Variants in DDB2 observed in about 807,000 individuals in gnomAD.
The protein encoded by DDB2 is DNA damage-binding protein 2.
In DDB2, 27 loss-of-function variants were observed where a neutral mutation model predicts 50.5. That is an observed-to-expected ratio of 0.53 (90% CI 0.39 to 0.74). The LOEUF is 0.74. Among genes scored for constraint, DDB2 ranks in the 30% least tolerant of loss-of-function variants. The pLI, the probability that DDB2 is intolerant of heterozygous loss-of-function variation, is 0.00. For missense variants in DDB2, 424 were observed against 545.6 expected (o/e 0.78, Z 2.22); for synonymous variants, 176 against 205.5 (o/e 0.86, Z 1.23).
intron 4 of DDB2, among the ~76,000 whole-genome samples, chr11:47,233,845 G>T (rs182000569): frequency 1.3e-5 from 2 of 152,180 alleles, no homozygotes; most frequent in African/African-American, 4.8e-5. Context: ...GGGCTGTCCC[G>T]CAGGGATGAG....
intron 7 of DDB2, among the ~76,000 whole-genome samples, chr11:47,237,434 CTT>C (rs564311013): frequency 1.1e-4 from 16 of 139,148 alleles, no homozygotes; most frequent in African/African-American, 7.9e-5. Context: ...GCAAATACTA[CTT>C]TTTTTTTTTT....
rs1163215863 is a variant in DDB2, at chr11:47,219,921, G to A, written c.456+2872G>A. Among the ~76,000 whole-genome samples the A allele has an allele frequency of 3.9e-5, 6 of 152,264 alleles. No homozygotes were observed. In the South Asian group the frequency reaches 1.0e-3, roughly 26 times the overall value. The stretch of plus-strand genomic sequence containing the variant: ...TCCTGCCTCAGCCTCCGAAGTAGCT[G>A]GGACTACTGGTGCCCGCCACCACAC... On this transcript the variant is annotated intron_variant, in intron 3 of 9. Transcript: ENST00000256996.
intron 3 of DDB2, 38 bp downstream of exon 3, chr11:47,217,087 G>GT: frequency 6.3e-7 from 1 of 1,589,282 alleles, no homozygotes; most frequent in Non-Finnish European, 8.6e-7. Flanking sequence ...CTAAAGAAGT[G>GT]TTTGTTGGCT....
chr11:47,227,956 A>G (rs918854127), intron 3 of DDB2, among the ~76,000 whole-genome samples: 14 of 151,770 alleles, frequency 9.2e-5, no homozygotes, highest in Admixed American at 2.0e-4. Context: ...CCTGGCCAAC[A>G]TGGTGAAACC....
chr11:47,230,751 G>A (rs1327740220), intron 3 of DDB2, among the ~76,000 whole-genome samples: 1 of 152,190 alleles, frequency 6.6e-6, no homozygotes, highest in Non-Finnish European at 1.5e-5. Flanking sequence ...GATAGCTGCA[G>A]CGTAAAGAAG....
chr11:47,224,935 A>G (rs1953535611), intron 3 of DDB2, among the ~76,000 whole-genome samples: 1 of 151,008 alleles, frequency 6.6e-6, no homozygotes, highest in Non-Finnish European at 1.5e-5. Context: ...CATATTTATT[A>G]TTTCCTCTTC....
intron 3 of DDB2, among the ~76,000 whole-genome samples, chr11:47,228,112 C>T (rs1953586083): frequency 6.8e-6 from 1 of 146,626 alleles, no homozygotes; most frequent in Non-Finnish European, 1.5e-5. Flanking sequence ...TGCACTCCAG[C>T]CTGGCAACAG....
At chr11:47,215,713 ACT>A (rs1300643379) in intron 1 of DDB2, 2 of 264,774 alleles carry the variant, frequency 7.6e-6, no homozygotes, top group African/African-American at 4.5e-5. Flanking sequence ...GTTTCGAGAC[ACT>A]CAAAAACGAG....
Position 47,232,929 on chromosome 11 carries a change from T to C in DDB2, c.572T>C (p.Leu191Pro), listed in dbSNP as rs1419604751. 2 of 1,614,078 alleles carry C rather than the reference T, an allele frequency of 1.2e-6. No individual in the cohort carries two copies. Among genetic ancestry groups the C allele is most frequent in the Non-Finnish European group, 1.7e-6 (2 of 1,180,032 alleles). The change falls in exon 4 of 10, where the codon CTA (leucine) becomes CCA (proline). Residue 191 changes from leucine (L) to proline (P), a missense_variant. Coordinates refer to ENST00000256996, the MANE Select transcript of DDB2 (RefSeq NM_000107.3). The part of the protein sequence containing the change: ...TRLQDFKGNI[L>P]RVFASSDTIN... ...CTGCAAGACTTTAAAGGCAACATTC[T>C]ACGAGTTTTTGCCAGCTCAGACACC...
At chr11:47,235,739 C>G in intron 7 of DDB2, 1 of 349,316 alleles carries the variant, frequency 2.9e-6, no homozygotes, top group Non-Finnish European at 5.3e-6. Context: ...AGTTGACCCA[C>G]AAACCTTCAT....
At chr11:47,215,776 T>C in intron 1 of DDB2, 1 of 262,310 alleles carries the variant, frequency 3.8e-6, no homozygotes, top group South Asian at 4.1e-5. Flanking sequence ...AAGAATTGGT[T>C]GTCAAGACGT....
rs774005293 is a variant in DDB2 at position 47,234,912 on chromosome 11, G to A, written c.858G>A (p.Pro286=). ...RGKASFLYSL[P]HRHPVNAACF... is the part of the protein sequence containing the mutation. ...AAGCCAGCTTCCTCTACTCGCTGCC[G>A]CACAGGCATCCTGTCAACGCAGGTG... is the stretch of plus-strand genomic sequence containing the variant. The change falls in exon 6 of 10, where the codon CCG becomes CCA. Residue 286 remains proline (P), a synonymous_variant. Coordinates refer to ENST00000256996, the MANE Select transcript of DDB2 (RefSeq NM_000107.3). The A allele has an allele frequency of 1.1e-5, 17 of 1,614,060 alleles. No homozygotes were observed. The highest frequency in any genetic ancestry group is 4.4e-5 in the South Asian group (4 of 91,078).
rs369738157 is a variant in DDB2, at chr11:47,238,009, T to C, written c.1188+8T>C. 1.9e-6 allele frequency: 3 copies of C among 1,614,028 alleles called. No homozygotes were observed. In the African/African-American group the frequency reaches 4.0e-5, roughly 22 times the overall value. On this transcript the variant is annotated splice_region_variant and intron_variant, in intron 8 of 9. Transcript: ENST00000256996. ...TCTTCTGGCATCAGTTCGGTGAGGCTTGGGTCCTCAAATAATGATGGGAGG... is the reference window on the plus strand; with the variant it reads ...TCTTCTGGCATCAGTTCGGTGAGGCCTGGGTCCTCAAATAATGATGGGAGG...
intron 2 of DDB2, 32 bp downstream of exon 2, chr11:47,216,504 G>A: frequency 1.9e-6 from 3 of 1,612,032 alleles, no homozygotes; most frequent in Non-Finnish European, 2.5e-6. Flanking sequence ...GTCCTCAAGG[G>A]TTTACACGTG....
At chr11:47,216,076 G>A (rs1590987920) in intron 1 of DDB2, 6 of 573,094 alleles carry the variant, frequency 1.0e-5, no homozygotes, top group Non-Finnish European at 1.9e-5. Flanking sequence ...TCTTTGGCTG[G>A]GGTCTCAGGA....
chr11:47,217,529 A>G (rs1318735246), intron 3 of DDB2: 5 of 153,198 alleles, frequency 3.3e-5, no homozygotes, highest in Non-Finnish European at 7.3e-5. Flanking sequence ...AATGATGATG[A>G]TATATATTTT....
chr11:47,237,978 C>T lies in DDB2; in HGVS notation c.1165C>T (p.Pro389Ser). ...GAAGATGATGTGTCAGCTCTATGACCCAGAATCTTCTGGCATCAGTTCGGT... is the reference window on the plus strand; with the variant it reads ...GAAGATGATGTGTCAGCTCTATGACTCAGAATCTTCTGGCATCAGTTCGGT... ...SGKMMCQLYDPESSGISSLNE... is the reference protein window; with the variant it reads ...SGKMMCQLYDSESSGISSLNE... Residue 389 changes from proline (P) to serine (S), a missense_variant, in exon 8 of 10, where the codon CCA becomes TCA. By Grantham distance (74) the Pro-to-Ser change is moderately conservative. Coordinates refer to ENST00000256996, the MANE Select transcript of DDB2 (RefSeq NM_000107.3). 6.2e-7 allele frequency: 1 copy of T among 1,614,122 alleles called. No homozygotes were observed. The highest frequency in any genetic ancestry group is 1.3e-5 in the African/African-American group (1 of 75,022).
At chr11:47,223,529 C>G (rs1331996397) in intron 3 of DDB2, among the ~76,000 whole-genome samples, 1 of 151,404 alleles carries the variant, frequency 6.6e-6, no homozygotes, top group African/African-American at 2.4e-5. Flanking sequence ...ACCTGTAATC[C>G]CAGCGCTTTG....
chr11:47,237,877 G>A lies in DDB2; in HGVS notation c.1064G>A (p.Arg355Gln), dbSNP rs751910498. The change falls in exon 8 of 10, where the codon CGA becomes CAA. Residue 355 changes from arginine to glutamine, a missense_variant. Transcript: ENST00000256996. ...HPRYNLIVVG[R>Q]YPDPNFKSCT... The stretch of plus-strand genomic sequence containing the variant: ...CGCTACAACCTCATTGTTGTGGGCC[G>A]ATACCCAGATCCTAATTTCAAAAGT... 4.3e-6 allele frequency: 7 copies of A among 1,614,144 alleles called. No homozygotes were observed. The highest frequency in any genetic ancestry group is 4.2e-6 in the Non-Finnish European group (5 of 1,180,024).
Sources: allele counts gnomAD v4.1 joint callset (sites outside exome capture counted in the v4.1 genomes callset), GRCh38; gene constraint gnomAD v4.1.1; transcripts MANE v1.5; gene names NCBI Gene and HGNC (gene_info 2026-07-23, HGNC 2026-07-21).